LPAR1: variants seen among roughly 807,000 people sequenced by gnomAD.
LPAR1 encodes the protein LPA receptor 1.
A neutral mutation model predicts 23.8 loss-of-function variants in LPAR1; 5 were observed. The observed-to-expected ratio is 0.21, with a 90% confidence interval of 0.11 to 0.44. The LOEUF (loss-of-function observed/expected upper bound fraction) is 0.44. LPAR1 is among the 20% of genes least tolerant of loss of function. The pLI is 0.99. For missense variants in LPAR1, 311 were observed against 482.8 expected, an observed-to-expected ratio of 0.64 and a Z score of 3.33; for synonymous variants, 160 against 164.7, an observed-to-expected ratio of 0.97 and a Z score of 0.22.
chr9:111,025,920 A>C (rs1446281369), intron 2 of LPAR1, among the ~76,000 whole-genome samples: 1 of 151,622 alleles, frequency 6.6e-6, no homozygotes, highest in African/African-American at 2.4e-5. Flanking sequence ...CTGTTTTGGT[A>C]CCAGTAATAG....
intron 4 of LPAR1, among the ~76,000 whole-genome samples, chr9:110,959,545 G>C (rs1210348123): frequency 6.6e-6 from 1 of 152,168 alleles, no homozygotes; most frequent in African/African-American, 2.4e-5. Flanking sequence ...TTGAGCCTGG[G>C]TGGTGGAGGT....
At chr9:111,014,431 C>T (rs1449582392) in intron 2 of LPAR1, among the ~76,000 whole-genome samples, 1 of 152,040 alleles carries the variant, frequency 6.6e-6, no homozygotes, top group African/African-American at 2.4e-5. Flanking sequence ...CAAGAAGCCC[C>T]CCAAACTCCC....
In LPAR1 at chr9:110,909,711, C is replaced by T. The variant is rs80139942; in HGVS notation, c.793+31710G>A. On this transcript the variant is annotated intron_variant, in intron 5 of 5. Coordinates refer to ENST00000683809, the MANE Select transcript of LPAR1 (RefSeq NM_001351411.2). ...TGTGATCAGTGTTCTTTTTGTTTTG[C>T]TTCATTTATTAAATAAAGTATTTAT... Among the ~76,000 whole-genome samples, 711 of 144,690 alleles carry T rather than the reference C, an allele frequency of 4.9e-3. 6 individuals carry two copies. The highest frequency in any genetic ancestry group is 0.018 in the African/African-American group (688 of 37,822). The allele number at this position is 144,690 out of a possible 152,430, so 94.9% of individuals were successfully genotyped here.
intron 2 of LPAR1, among the ~76,000 whole-genome samples, chr9:110,980,634 G>C (rs1346458386): frequency 1.3e-5 from 2 of 151,790 alleles, no homozygotes; most frequent in Admixed American, 6.6e-5. Context: ...CTAGGGGACA[G>C]GGAGGGATAG....
In LPAR1 at chr9:110,941,801, T is replaced by C; in HGVS notation, c.413A>G (p.Asn138Ser). The C allele has an allele frequency of 6.2e-7, 1 of 1,614,134 alleles. No individual in the cohort carries two copies. Among genetic ancestry groups the C allele is most frequent in the Non-Finnish European group, 8.5e-7 (1 of 1,180,004 alleles). The change falls in exon 5 of 6, where the codon AAC becomes AGC. Residue 138 changes from asparagine (N) to serine (S), a missense_variant. Physicochemically the swap from Asn to Ser is conservative, Grantham distance 46. Around this residue, in one of 2 missense-constraint regions of LPAR1, gnomAD observed 250 missense variants for 427.2 expected, o/e 0.59. Coordinates refer to ENST00000683809, the MANE Select transcript of LPAR1 (RefSeq NM_001351411.2). This position sits in a 1 kb window ranked among gnomAD's most constrained non-coding sequence, Gnocchi z 6.1. Reference protein sequence around the residue: ...IDTSLTASVANLLAIAIERHI... With the variant: ...IDTSLTASVASLLAIAIERHI... The stretch of plus-strand genomic sequence containing the variant: ...CCTCTCGATTGCAATAGCCAGTAAG[T>C]TGGCCACAGATGCCGTCAGGCTGGT...
At chr9:110,902,371 T>C (rs1056954700) in intron 5 of LPAR1, among the ~76,000 whole-genome samples, 2 of 152,136 alleles carry the variant, frequency 1.3e-5, no homozygotes, top group Admixed American at 6.6e-5. Context: ...TGGGGGTGGA[T>C]ACCCTCATGC....
At chr9:110,989,820 A>G (rs2110545) in intron 2 of LPAR1, among the ~76,000 whole-genome samples, 98,891 of 151,878 alleles carry the variant, frequency 0.65, 32,620 homozygotes, top group Admixed American at 0.71. Flanking sequence ...CTGGATAAAA[A>G]AGCAAGACAC....
chr9:111,016,600 T>C (rs1165689434), intron 2 of LPAR1, among the ~76,000 whole-genome samples: 1 of 152,212 alleles, frequency 6.6e-6, no homozygotes, highest in Non-Finnish European at 1.5e-5. Flanking sequence ...GTCAAGTCAA[T>C]GCTTAAAGCA....
At chr9:111,025,422 G>A (rs904920558) in intron 2 of LPAR1, among the ~76,000 whole-genome samples, 1 of 152,098 alleles carries the variant, frequency 6.6e-6, no homozygotes, top group African/African-American at 2.4e-5. Flanking sequence ...TTTGTTTTAA[G>A]CTCCTTGTAG....
chr9:110,948,279 T>C (rs895826006), intron 4 of LPAR1, among the ~76,000 whole-genome samples: 3 of 152,182 alleles, frequency 2.0e-5, no homozygotes, highest in Non-Finnish European at 2.9e-5. Flanking sequence ...GAGCTTCAAA[T>C]TGGACATTTT....
At chr9:110,934,115 G>A (rs1251810283) in intron 5 of LPAR1, among the ~76,000 whole-genome samples, 3 of 152,184 alleles carry the variant, frequency 2.0e-5, no homozygotes, top group Admixed American at 6.5e-5. Flanking sequence ...CCTCAAAGAG[G>A]CCTTTACAGG....
chr9:110,912,727 T>C (rs896314975), intron 5 of LPAR1, among the ~76,000 whole-genome samples: 2 of 152,132 alleles, frequency 1.3e-5, no homozygotes, highest in African/African-American at 4.8e-5. Context: ...ACAGTTTTTT[T>C]CATGACGCAA....
At chr9:110,879,100 T>C (rs1257868397) in intron 5 of LPAR1, among the ~76,000 whole-genome samples, 2 of 151,992 alleles carry the variant, frequency 1.3e-5, no homozygotes, top group Admixed American at 6.6e-5. Flanking sequence ...ACAACACCGA[T>C]GAATGGTATG....
intron 2 of LPAR1, among the ~76,000 whole-genome samples, chr9:111,027,653 T>C (rs2097717640): frequency 6.6e-6 from 1 of 151,770 alleles, no homozygotes; most frequent in Admixed American, 6.6e-5. Flanking sequence ...GGTCACACAA[T>C]TTTAAATGTA....
intron 3 of LPAR1, 78 bp downstream of exon 3, chr9:110,973,403 C>T (rs1353769092): frequency 1.3e-5 from 2 of 152,122 alleles, no homozygotes; most frequent in Non-Finnish European, 2.9e-5. Flanking sequence ...TGAAACGTAA[C>T]GAAGTTAATG....
chr9:110,882,910 TAAC>T (rs1361771746), intron 5 of LPAR1, among the ~76,000 whole-genome samples: 3 of 152,246 alleles, frequency 2.0e-5, no homozygotes, highest in South Asian at 2.1e-4. Flanking sequence ...TTAGAAATTT[TAAC>T]AACAAGAAAC....
chr9:110,933,195 G>A (rs754212981), intron 5 of LPAR1, among the ~76,000 whole-genome samples: 5 of 152,130 alleles, frequency 3.3e-5, no homozygotes, highest in African/African-American at 4.8e-5. Flanking sequence ...AGTATAATTC[G>A]AGCCAACAGC....
chr9:110,956,825 T>C (rs1210541477), intron 4 of LPAR1, among the ~76,000 whole-genome samples: 2 of 152,142 alleles, frequency 1.3e-5, no homozygotes, highest in Non-Finnish European at 2.9e-5. Flanking sequence ...ATTCCAGGAC[T>C]AAATGACTTC....
chr9:110,894,507 A>G (rs1344534666), intron 5 of LPAR1, among the ~76,000 whole-genome samples: 1 of 152,194 alleles, frequency 6.6e-6, no homozygotes, highest in African/African-American at 2.4e-5. Context: ...TACGCAAAGG[A>G]TAAGCCTCCA....
Sources: allele counts gnomAD v4.1 joint callset (sites outside exome capture counted in the v4.1 genomes callset), GRCh38; gene constraint gnomAD v4.1.1; regional missense constraint gnomAD v4.1.1; non-coding constraint Gnocchi (gnomAD v3.1); transcripts MANE v1.5; gene names NCBI Gene and HGNC (gene_info 2026-07-23, HGNC 2026-07-21).